Variants in ACACA observed in about 807,000 individuals in gnomAD.
ACACA encodes acetyl-CoA carboxylase 1.
ACACA carries 103 observed loss-of-function variants against 296.1 expected under a neutral mutation model. That is an observed-to-expected ratio of 0.35 (90% CI 0.30 to 0.41). The LOEUF (loss-of-function observed/expected upper bound fraction) is 0.41. ACACA is among the 10% of genes least tolerant of loss of function. The pLI is 1.00. For synonymous variants in ACACA, 953 were observed against 1,038.6 expected (o/e 0.92, Z 1.58); for missense variants, 1,554 against 2,989.7 (o/e 0.52, Z 11.20).
At chr17:37,391,762 A>G in intron 1 of ACACA, 1 of 1,538,370 alleles carries the variant, frequency 6.5e-7, no homozygotes, top group Non-Finnish European at 9.0e-7. Context: ...ATGATACTAC[A>G]CAGTCCTCTC....
In ACACA at chr17:37,179,241, G is replaced by T; in HGVS notation, c.5079+19C>A. The T allele has an allele frequency of 6.2e-7, 1 of 1,614,064 alleles. No homozygotes were observed. The highest frequency in any genetic ancestry group is 8.5e-7 in the Non-Finnish European group (1 of 1,180,000). Reference sequence around the variant, plus strand: ...TGGGCACAGAGATAAGAAAGGGAAGGGGGGTTTCAACTACTTGCCTCATTT... The same window carrying T: ...TGGGCACAGAGATAAGAAAGGGAAGTGGGGTTTCAACTACTTGCCTCATTT... On this transcript the variant is annotated intron_variant, in intron 41 of 55. Transcript: ENST00000616317.
chr17:37,134,653 C>T (rs1050861454), intron 45 of ACACA, among the ~76,000 whole-genome samples: 1 of 152,122 alleles, frequency 6.6e-6, no homozygotes, highest in Non-Finnish European at 1.5e-5. Flanking sequence ...TCTTTTCCCC[C>T]TCTTTAAACA....
chr17:37,172,800 A>T (rs1367597733), intron 41 of ACACA, among the ~76,000 whole-genome samples: 1 of 152,186 alleles, frequency 6.6e-6, no homozygotes, highest in Non-Finnish European at 1.5e-5. Flanking sequence ...AAGCACTTAT[A>T]AACATTCTCC....
In ACACA at chr17:37,246,792, T is replaced by G. The variant is rs997982921; in HGVS notation, c.2460+34A>C. 5 of 1,611,666 alleles carry G rather than the reference T, an allele frequency of 3.1e-6. No individual in the cohort carries two copies. In the African/African-American group the frequency reaches 6.7e-5, roughly 22 times the overall value. ...AGCCGACCCTTTTCCTACCTTCCCCTCCCATGATCCCACAGTCCTTTCACC... is the reference window on the plus strand; with the variant it reads ...AGCCGACCCTTTTCCTACCTTCCCCGCCCATGATCCCACAGTCCTTTCACC... On this transcript the variant is annotated intron_variant, in intron 19 of 55. Transcript: ENST00000616317.
chr17:37,373,088 C>T (rs1339709362), intron 1 of ACACA, among the ~76,000 whole-genome samples: 1 of 152,012 alleles, frequency 6.6e-6, no homozygotes, highest in Non-Finnish European at 1.5e-5. Context: ...ACCATGTTGG[C>T]CAGGCTGGTC....
chr17:37,264,737 G>A (rs898004955), intron 10 of ACACA, among the ~76,000 whole-genome samples: 2 of 152,162 alleles, frequency 1.3e-5, no homozygotes, highest in Admixed American at 6.5e-5. Flanking sequence ...GAGACTTAAA[G>A]TACATGATGT....
intron 9 of ACACA, 35 bp downstream of exon 9, chr17:37,274,158 C>T: frequency 6.4e-7 from 1 of 1,554,418 alleles, no homozygotes; most frequent in Non-Finnish European, 8.9e-7. Flanking sequence ...AACTGGTCAG[C>T]TGAAAGGTAT....
At chr17:37,213,039 C>G (rs141494238) in intron 29 of ACACA, among the ~76,000 whole-genome samples, 1 of 151,872 alleles carries the variant, frequency 6.6e-6, no homozygotes, top group Non-Finnish European at 1.5e-5. Context: ...CAAATTAGGC[C>G]GGGCGCAGTG....
intron 26 of ACACA, among the ~76,000 whole-genome samples, chr17:37,225,828 T>C (rs1891755741): frequency 6.6e-6 from 1 of 152,222 alleles, no homozygotes; most frequent in South Asian, 2.1e-4. Flanking sequence ...ACTCTTGGCT[T>C]CCCTGCTGAA....
Position 37,206,637 on chromosome 17 carries a change from T to C in ACACA, c.3948+146A>G, listed in dbSNP as rs574100424. On this transcript the variant is annotated intron_variant, in intron 32 of 55. Transcript: ENST00000616317. ...ATTCCACTTGTTTCCAGAAAATACT[T>C]TGGTGAGGCATACAAAATTAAATAC... The C allele has an allele frequency of 7.8e-5, 53 of 675,720 alleles. No individual in the cohort carries two copies. In the African/African-American group the frequency reaches 8.9e-4, roughly 11 times the overall value. 41.9% of individuals were successfully genotyped at this position (675,720 alleles called of 1,614,324 possible). A position where few individuals can be genotyped will look rare whatever the true frequency, so the allele number is the denominator to read the frequency against.
intron 41 of ACACA, among the ~76,000 whole-genome samples, chr17:37,168,234 T>C (rs1009471219): frequency 3.3e-5 from 5 of 152,178 alleles, no homozygotes; most frequent in Non-Finnish European, 7.3e-5. Flanking sequence ...AGTAAGTGCA[T>C]AGTATGAATG....
rs9905514 is a variant in ACACA at position 37,338,783 on chromosome 17, A to G, written c.85+1021T>C. On this transcript the variant is annotated intron_variant, in intron 2 of 55. Coordinates refer to ENST00000616317, the MANE Select transcript of ACACA (RefSeq NM_198834.3). ...GTGAAACCCCAACTTTACTAAAAATACAAAAAATTAGCCAGGCGTGGCGGT... is the reference window on the plus strand; with the variant it reads ...GTGAAACCCCAACTTTACTAAAAATGCAAAAAATTAGCCAGGCGTGGCGGT... Among the ~76,000 whole-genome samples the G allele has an allele frequency of 9.6e-3, 1,458 of 152,072 alleles. 20 individuals carry two copies. Among genetic ancestry groups the G allele is most frequent in the African/African-American group, 0.033 (1,388 of 41,460 alleles).
intron 3 of ACACA, among the ~76,000 whole-genome samples, chr17:37,324,613 T>C (rs2047510723): frequency 1.3e-5 from 2 of 149,398 alleles, no homozygotes; most frequent in Non-Finnish European, 1.5e-5. Flanking sequence ...GAGGTTGCAG[T>C]GAGCTGAGAT....
At chr17:37,397,464 T>C (rs1210640537) in intron 1 of ACACA, among the ~76,000 whole-genome samples, 1 of 152,172 alleles carries the variant, frequency 6.6e-6, no homozygotes, top group Non-Finnish European at 1.5e-5. Flanking sequence ...TAGCTGACTT[T>C]CTAGAAGAGA....
chr17:37,365,612 G>T (rs1030270382), intron 1 of ACACA: 2 of 985,256 alleles, frequency 2.0e-6, no homozygotes, highest in Non-Finnish European at 2.4e-6. Context: ...AGAAAAATAA[G>T]ACACAAAGTC....
intron 18 of ACACA, 131 bp from the exon 19 acceptor site, chr17:37,247,107 T>C: frequency 2.1e-6 from 2 of 960,238 alleles, no homozygotes; most frequent in Non-Finnish European, 1.6e-6. Flanking sequence ...ACATATTCAC[T>C]GCATATTTGT....
chr17:37,104,944 G>GAA (rs66518229), intron 52 of ACACA, among the ~76,000 whole-genome samples: 14,665 of 56,284 alleles, frequency 0.26, 2,315 homozygotes, highest in African/African-American at 0.48. Context: ...GTCTCTGACC[G>GAA]AAAAAAAAAA....
At chr17:37,090,070 G>A (rs535611919) in intron 54 of ACACA, among the ~76,000 whole-genome samples, 4 of 152,320 alleles carry the variant, frequency 2.6e-5, no homozygotes, top group African/African-American at 9.6e-5. Context: ...AGGTGGGTGT[G>A]TTTGTTAGGG....
intron 43 of ACACA, among the ~76,000 whole-genome samples, chr17:37,151,697 C>T (rs934860060): frequency 6.6e-6 from 1 of 152,148 alleles, no homozygotes; most frequent in Non-Finnish European, 1.5e-5. Flanking sequence ...GAGTCTCGCT[C>T]TATTGGCAGG....
Sources: gnomAD v4.1 joint callset for allele counts (sites outside exome capture counted in the v4.1 genomes callset) on GRCh38, gnomAD v4.1.1 for gene constraint, MANE v1.5 for transcripts, NCBI Gene and HGNC (gene_info 2026-07-23, HGNC 2026-07-21) for gene names.